Variants in KIF11 observed in about 807,000 individuals in gnomAD.
KIF11 encodes the protein kinesin family member 11.
In KIF11, 9 loss-of-function variants were observed where a neutral mutation model predicts 121.0. The observed-to-expected ratio is 0.07, with a 90% confidence interval of 0.04 to 0.13. The LOEUF (loss-of-function observed/expected upper bound fraction) is 0.13. Ranked by LOEUF, KIF11 falls within the 10% of genes least tolerant of loss-of-function variation. KIF11 has a pLI of 1.00. For synonymous variants in KIF11, 408 were observed against 421.0 expected (o/e 0.97, Z 0.38); for missense variants, 846 against 1,217.5 (o/e 0.69, Z 4.54).
intron 13 of KIF11, 82 bp downstream of exon 13, chr10:92,632,775 A>G (rs1844753241): frequency 5.1e-6 from 4 of 783,948 alleles, no homozygotes; most frequent in South Asian, 2.1e-5. Context: ...TGAAACATAG[A>G]TGACGGTGTC....
intron 18 of KIF11, among the ~76,000 whole-genome samples, chr10:92,647,539 T>C (rs942970779): frequency 6.6e-6 from 1 of 152,196 alleles, no homozygotes; most frequent in Non-Finnish European, 1.5e-5. Context: ...CTGGTGAAGT[T>C]TGAACATGGA....
At position 92,647,010 on chromosome 10, in the gene KIF11, T is replaced by C. The variant is rs113048705; in HGVS notation, c.2548-1202T>C. Among the ~76,000 whole-genome samples the C allele has an allele frequency of 5.4e-3, 825 of 152,302 alleles. 7 individuals are homozygous for C. The highest frequency in any genetic ancestry group is 0.019 in the African/African-American group (780 of 41,570). On this transcript the variant is annotated intron_variant, in intron 18 of 21. Coordinates refer to ENST00000260731, the MANE Select transcript of KIF11 (RefSeq NM_004523.4). ...GCTTAAACCATTTGATCAAAAGCTG[T>C]TGGGGAACTTTATAATTAATAGGCT...
chr10:92,609,171 A>G lies in KIF11; in HGVS notation c.539A>G (p.Glu180Gly). The G allele has an allele frequency of 1.3e-6, 2 of 1,585,340 alleles. No individual in the cohort carries two copies. The highest frequency in any genetic ancestry group is 2.2e-5 in the East Asian group (1 of 44,468). Reference protein sequence around the residue: ...DLLNPSSDVSERLQMFDDPRN... With the variant: ...DLLNPSSDVSGRLQMFDDPRN... ...CTTAATCCATCATCTGATGTTTCTG[A>G]GAGACTACAGATGTTTGATGATCCC... is the stretch of plus-strand genomic sequence containing the variant. The change falls in exon 5 of 22, where the codon GAG becomes GGG. Residue 180 changes from glutamate to glycine, a missense_variant. By Grantham distance (98) the Glu-to-Gly change is moderately conservative (BLOSUM62 -2). Around this residue, in one of 5 missense-constraint regions of KIF11, gnomAD observed 116 missense variants for 285.3 expected, o/e 0.41. Coordinates refer to ENST00000260731, the MANE Select transcript of KIF11 (RefSeq NM_004523.4).
chr10:92,607,066 T>A, intron 3 of KIF11, 93 bp from the exon 4 acceptor site: 1 of 750,620 alleles, frequency 1.3e-6, no homozygotes, highest in Non-Finnish European at 2.3e-6. Context: ...CTTGAGCCAC[T>A]GTGCCTGGCT....
rs1373911610 is a variant in KIF11 at position 92,593,402 on chromosome 10, G to A, written c.27G>A (p.Ala9=). The A allele has an allele frequency of 3.7e-6, 6 of 1,610,816 alleles. No homozygotes were observed. The highest frequency in any genetic ancestry group is 5.1e-6 in the Non-Finnish European group (6 of 1,178,908). ...TGGCGTCGCAGCCAAATTCGTCTGC[G>A]AAGAAGAAAGAGGAGAAGGGGAAGA... MASQPNSS[A]KKKEEKGKNI... The change falls in exon 1 of 22, where the codon GCG becomes GCA. Residue 9 remains alanine (A), a synonymous_variant. Transcript: ENST00000260731.
At chr10:92,615,451 T>TA (rs963018371) in intron 8 of KIF11, among the ~76,000 whole-genome samples, 23 of 150,970 alleles carry the variant, frequency 1.5e-4, no homozygotes, top group East Asian at 3.9e-4. Flanking sequence ...GCCCCTTCAT[T>TA]AAAAAAAAAT....
intron 14 of KIF11, among the ~76,000 whole-genome samples, chr10:92,635,133 C>T (rs1219713865): frequency 2.6e-5 from 4 of 152,088 alleles, no homozygotes; most frequent in Non-Finnish European, 5.9e-5. Context: ...TCTTTGCCTC[C>T]CTTTTTCAGC....
At chr10:92,624,443 T>G (rs1035361663) in intron 10 of KIF11, among the ~76,000 whole-genome samples, 18 of 151,920 alleles carry the variant, frequency 1.2e-4, no homozygotes, top group Non-Finnish European at 2.2e-4. Flanking sequence ...TGCACCATGT[T>G]GGCCAGGCTG....
At chr10:92,611,530 C>A (rs1844496285) in intron 6 of KIF11, among the ~76,000 whole-genome samples, 1 of 151,976 alleles carries the variant, frequency 6.6e-6, no homozygotes, top group Non-Finnish European at 1.5e-5. Context: ...TAATTCAGAT[C>A]TATAGTTTAC....
rs762785499 is a variant in KIF11, at chr10:92,632,617, T to G, written c.1626T>G (p.Phe542Leu). The change falls in exon 13 of 22, where the codon TTT becomes TTG. Residue 542 changes from phenylalanine (F) to leucine (L), a missense_variant. Physicochemically the swap from Phe to Leu is conservative, Grantham distance 22 (BLOSUM62 0). This residue lies in a region of KIF11 where 492 missense variants were observed against 603.4 expected (regional missense o/e 0.82). Transcript: ENST00000260731. ...TTGGCAAAAACCTGAATAGTCTGTT[T>G]AATAATATGGAAGAATTAATTAAGG... ...DIFGKNLNSL[F>L]NNMEELIKDG... 6.2e-7 allele frequency: 1 copy of G among 1,613,614 alleles called. No homozygotes were observed. The highest frequency in any genetic ancestry group is 8.5e-7 in the Non-Finnish European group (1 of 1,179,676).
intron 9 of KIF11, among the ~76,000 whole-genome samples, chr10:92,619,908 A>G (rs1315466936): frequency 2.0e-5 from 3 of 151,516 alleles, no homozygotes; most frequent in East Asian, 1.9e-4. Context: ...GAGTTTTACC[A>G]TAGTATCTTT....
chr10:92,650,076 CT>C lies in KIF11; in HGVS notation c.2922+91del, dbSNP rs1218644098. 3.8e-5 allele frequency: 36 copies of C among 940,712 alleles called. No homozygotes were observed. The African/African-American group carries it at 5.6e-4, about 15-fold the overall frequency. The allele number at this position is 940,712 out of a possible 1,614,324, so 58.3% of individuals were successfully genotyped here. A position where few individuals can be genotyped will look rare whatever the true frequency, so the allele number is the denominator to read the frequency against. Reference sequence around the variant, plus strand: ...ATGTGAAGAATTTTACTGTTTACCCCTCAATCTTACCCCGCCTCTCATTAAT... The same window carrying C: ...ATGTGAAGAATTTTACTGTTTACCCCCAATCTTACCCCGCCTCTCATTAAT... On this transcript the variant is annotated intron_variant, in intron 20 of 21. Transcript: ENST00000260731.
In KIF11 at chr10:92,598,776, T is replaced by G. The variant is rs934065352; in HGVS notation, c.77+5324T>G. Among the ~76,000 whole-genome samples the G allele has an allele frequency of 5.3e-5, 8 of 152,154 alleles. 1 individual carries two copies. The highest frequency in any genetic ancestry group is 1.4e-4 in the African/African-American group (6 of 41,432). Reference sequence around the variant, plus strand: ...CCCTTAATTTCTGCCAGCAGTTTTTTTTTGTTTGTTTTTGTTTTGAGATGG... The same window carrying G: ...CCCTTAATTTCTGCCAGCAGTTTTTGTTTGTTTGTTTTTGTTTTGAGATGG... On this transcript the variant is annotated intron_variant, in intron 1 of 21. Transcript: ENST00000260731.
chr10:92,609,303 A>AGAGTGTGTGT (rs1372794402), intron 5 of KIF11, 82 bp from the exon 6 acceptor site: 3 of 382,550 alleles, frequency 7.8e-6, no homozygotes, highest in African/African-American at 7.1e-5. Flanking sequence ...AGAGAGAGAG[A>AGAGTGTGTGT]GTGTGTGTGT....
chr10:92,626,909 G>A (rs573939267), intron 10 of KIF11, among the ~76,000 whole-genome samples: 9 of 152,122 alleles, frequency 5.9e-5, no homozygotes, highest in African/African-American at 1.2e-4. Context: ...ACAGGTGCCC[G>A]CCACCACGCC....
At chr10:92,605,869 G>A (rs1172092675) in intron 1 of KIF11, among the ~76,000 whole-genome samples, 1 of 151,992 alleles carries the variant, frequency 6.6e-6, no homozygotes, top group Non-Finnish European at 1.5e-5. Context: ...TTAGTGGCTG[G>A]GCACAGTGTC....
chr10:92,633,993 G>GT (rs1222224858), intron 14 of KIF11, among the ~76,000 whole-genome samples, 198 bp downstream of exon 14: 3 of 151,920 alleles, frequency 2.0e-5, no homozygotes, highest in Admixed American at 1.3e-4. Flanking sequence ...GTTTTGTTTT[G>GT]TTTGTTTGTT....
intron 18 of KIF11, 117 bp downstream of exon 18, chr10:92,645,759 T>G: frequency 6.4e-6 from 5 of 786,866 alleles, no homozygotes; most frequent in Non-Finnish European, 1.0e-5. Flanking sequence ...TGACTTAAAC[T>G]TTTAAGTATA....
chr10:92,652,477 TA>T (rs1844999098), intron 21 of KIF11, among the ~76,000 whole-genome samples: 3 of 152,258 alleles, frequency 2.0e-5, no homozygotes, highest in South Asian at 4.1e-4. Context: ...CTCCTTCCCT[TA>T]AGGTCTAAAG....
Sources: allele counts gnomAD v4.1 joint callset (sites outside exome capture counted in the v4.1 genomes callset), GRCh38; gene constraint gnomAD v4.1.1; regional missense constraint gnomAD v4.1.1; transcripts MANE v1.5; gene names NCBI Gene and HGNC (gene_info 2026-07-23, HGNC 2026-07-21).